Variants in LRTM1 observed in about 807,000 individuals in gnomAD.
LRTM1 encodes the protein leucine-rich repeat and transmembrane domain-containing protein 1.
A neutral mutation model predicts 32.4 loss-of-function variants in LRTM1; 38 were observed. That is an observed-to-expected ratio of 1.17 (90% CI 0.91 to 1.54). The LOEUF (loss-of-function observed/expected upper bound fraction) is 1.54, where lower values mean the gene tolerates loss of function less well. Among genes scored for constraint, LRTM1 ranks in the 40% most tolerant of loss-of-function variants. LRTM1 has a pLI of 0.00. For missense variants in LRTM1, 466 were observed against 415.4 expected (o/e 1.12, Z -1.06); for synonymous variants, 186 against 169.9 (o/e 1.09, Z -0.74).
At chr3:54,920,120 G>A (rs1700796733) in intron 2 of LRTM1, among the ~76,000 whole-genome samples, 1 of 152,214 alleles carries the variant, frequency 6.6e-6, no homozygotes, top group Admixed American at 6.5e-5. Context: ...GAGATTCTTA[G>A]TACACACAGT....
intron 2 of LRTM1, among the ~76,000 whole-genome samples, chr3:54,922,670 A>G (rs777352178): frequency 3.9e-5 from 6 of 152,090 alleles, no homozygotes; most frequent in Admixed American, 2.0e-4. Flanking sequence ...TCCCTAATTC[A>G]TGTCTGTAGC....
intron 1 of LRTM1, among the ~76,000 whole-genome samples, chr3:54,963,453 G>T (rs1291392768): frequency 6.6e-6 from 1 of 152,158 alleles, no homozygotes; most frequent in Non-Finnish European, 1.5e-5. Context: ...GCACCCTGTG[G>T]CTACGGAGCA....
intron 1 of LRTM1, among the ~76,000 whole-genome samples, chr3:54,957,661 G>A (rs1701934476): frequency 6.6e-6 from 1 of 151,542 alleles, no homozygotes; most frequent in Non-Finnish European, 1.5e-5. Context: ...CGACTGATGG[G>A]CCTTTGGCAA....
intron 1 of LRTM1, among the ~76,000 whole-genome samples, chr3:54,941,708 T>C (rs558166239): frequency 9.2e-5 from 14 of 152,352 alleles, no homozygotes; most frequent in Admixed American, 7.8e-4. Context: ...TTCCTGCTAA[T>C]GGGATCTTGG....
intron 1 of LRTM1, among the ~76,000 whole-genome samples, chr3:54,934,417 G>T (rs901814686): frequency 6.6e-6 from 1 of 151,884 alleles, no homozygotes; most frequent in Admixed American, 6.5e-5. Flanking sequence ...TTTTTTTCTT[G>T]CCCTTTTGAT....
At chr3:54,957,314 T>G (rs1701923872) in intron 1 of LRTM1, among the ~76,000 whole-genome samples, 2 of 148,322 alleles carry the variant, frequency 1.3e-5, no homozygotes, top group African/African-American at 5.3e-5. Flanking sequence ...ACTCAGCTAA[T>G]TTTTTAAAAC....
rs1559628751 is a variant in LRTM1, at chr3:54,918,662, GC to G, written c.834del (p.Arg278SerfsTer25). ...GCAATGGCATGACGCAGGTTGGCCG[GC>G]CTTGGCTTGGGTTTGAGCTCGCACT... ...LLECELKPKP[R>X]PANLRHAIAT... On this transcript the variant is annotated frameshift_variant, in exon 3 of 3. Coordinates refer to ENST00000273286, the MANE Select transcript of LRTM1 (RefSeq NM_020678.4). LOFTEE classifies it high-confidence loss of function. 1 of 1,614,142 alleles carries G rather than the reference GC, an allele frequency of 6.2e-7. No individual in the cohort carries two copies. The highest frequency in any genetic ancestry group is 1.7e-5 in the Admixed American group (1 of 60,020).
intron 2 of LRTM1, 131 bp downstream of exon 2, chr3:54,924,488 G>T: frequency 1.4e-6 from 1 of 707,642 alleles, no homozygotes; most frequent in Non-Finnish European, 2.4e-6. Context: ...ACCGTGAAAT[G>T]GCACCGATGT....
intron 1 of LRTM1, among the ~76,000 whole-genome samples, chr3:54,964,392 A>C (rs528657599): frequency 6.5e-5 from 9 of 138,740 alleles, no homozygotes; most frequent in Non-Finnish European, 1.1e-4. Context: ...AAAACATTAC[A>C]AACCCCAGGA....
chr3:54,949,208 G>T (rs987442327), intron 1 of LRTM1, among the ~76,000 whole-genome samples: 1 of 152,134 alleles, frequency 6.6e-6, no homozygotes, highest in Non-Finnish European at 1.5e-5. Context: ...CTATCACTTT[G>T]GCACAGGAGC....
intron 1 of LRTM1, among the ~76,000 whole-genome samples, chr3:54,935,648 T>C (rs1701309450): frequency 6.6e-6 from 1 of 152,244 alleles, no homozygotes; most frequent in African/African-American, 2.4e-5. Flanking sequence ...TGAGTGTTTT[T>C]TGCAGTTCTT....
intron 1 of LRTM1, among the ~76,000 whole-genome samples, chr3:54,940,444 T>C (rs996142171): frequency 2.0e-5 from 3 of 152,228 alleles, no homozygotes; most frequent in African/African-American, 7.2e-5. Flanking sequence ...CTCACTGATA[T>C]TTTATTAAGC....
intron 1 of LRTM1, among the ~76,000 whole-genome samples, chr3:54,936,936 G>A (rs1701343320): frequency 6.6e-6 from 1 of 152,172 alleles, no homozygotes; most frequent in African/African-American, 2.4e-5. Flanking sequence ...TACGGCTGAT[G>A]TTTATAAGTT....
chr3:54,926,505 TACACACACAC>T (rs36205023), intron 1 of LRTM1, among the ~76,000 whole-genome samples: 33,824 of 143,246 alleles, frequency 0.24, 4,167 homozygotes, highest in African/African-American at 0.31. Flanking sequence ...GCCTGTCAAA[TACACACACAC>T]ACACACACAC....
upstream of LRTM1, among the ~76,000 whole-genome samples, chr3:54,929,603 G>A (rs186743569): frequency 8.6e-4 from 130 of 151,468 alleles, 1 homozygote; most frequent in South Asian, 2.9e-3. Flanking sequence ...CCCACTTTAC[G>A]CAACCTGCCA....
intron 1 of LRTM1, among the ~76,000 whole-genome samples, chr3:54,941,581 A>T (rs1046293919): frequency 4.6e-5 from 7 of 152,134 alleles, no homozygotes; most frequent in Non-Finnish European, 8.8e-5. Flanking sequence ...AATATCTATC[A>T]TTGCTCCCCT....
chr3:54,929,272 T>C (rs1278576205), upstream of LRTM1, among the ~76,000 whole-genome samples: 1 of 152,194 alleles, frequency 6.6e-6, no homozygotes, highest in African/African-American at 2.4e-5. Context: ...GTACACGACA[T>C]GGCCCAGAGT....
intron 1 of LRTM1, among the ~76,000 whole-genome samples, chr3:54,951,657 C>T (rs1383547718): frequency 6.7e-6 from 1 of 150,262 alleles, no homozygotes; most frequent in Admixed American, 6.6e-5. Flanking sequence ...GTCCCAGTTC[C>T]AAGAAGTCCT....
chr3:54,931,047 GAT>G (rs1701176094), upstream of LRTM1, among the ~76,000 whole-genome samples: 3 of 152,208 alleles, frequency 2.0e-5, no homozygotes, highest in South Asian at 6.2e-4. Flanking sequence ...AGTGAGCCGA[GAT>G]CGTGCCACTG....
Sources: allele counts gnomAD v4.1 joint callset (sites outside exome capture counted in the v4.1 genomes callset), GRCh38; gene constraint gnomAD v4.1.1; transcripts MANE v1.5; gene names NCBI Gene and HGNC (gene_info 2026-07-23, HGNC 2026-07-21).